Variants in MYRIP observed in about 807,000 individuals in gnomAD.
MYRIP encodes myosin VIIA and Rab interacting protein.
MYRIP carries 49 observed loss-of-function variants against 98.0 expected under a neutral mutation model. That is an observed-to-expected ratio of 0.50 (90% CI 0.40 to 0.63). The LOEUF is 0.63. Among genes scored for constraint, MYRIP ranks in the 30% least tolerant of loss-of-function variants. The probability of loss-of-function intolerance (pLI) is 0.00; values close to 1 mark genes in which losing one functional copy is unlikely to be tolerated. For missense variants in MYRIP, 1,004 were observed against 1,058.2 expected, an observed-to-expected ratio of 0.95 and a Z score of 0.71; for synonymous variants, 404 against 409.5, an observed-to-expected ratio of 0.99 and a Z score of 0.16.
At chr3:39,970,095 T>G (rs1575423716) in intron 2 of MYRIP, 2 of 152,148 alleles carry the variant, frequency 1.3e-5, no homozygotes, top group Non-Finnish European at 2.9e-5. Context: ...TTTTCTAGTT[T>G]GTGTGTTCGT....
chr3:40,201,246 C>T (rs1401356560), intron 10 of MYRIP, among the ~76,000 whole-genome samples: 6 of 152,090 alleles, frequency 3.9e-5, no homozygotes, highest in African/African-American at 1.4e-4. Flanking sequence ...TATGGAATTG[C>T]CATAATTCTG....
intron 3 of MYRIP, among the ~76,000 whole-genome samples, chr3:40,077,301 C>G (rs560056264): frequency 7.9e-5 from 12 of 152,142 alleles, no homozygotes; most frequent in Admixed American, 3.3e-4. Flanking sequence ...ACTGCTGGCT[C>G]GGGCAGCCTG....
chr3:40,214,232 T>C (rs778036414), intron 11 of MYRIP, among the ~76,000 whole-genome samples: 7 of 152,206 alleles, frequency 4.6e-5, no homozygotes, highest in Non-Finnish European at 7.4e-5. Context: ...AATTGGCTAC[T>C]GATAGGCCTC....
intron 11 of MYRIP, among the ~76,000 whole-genome samples, chr3:40,215,359 AT>A (rs1163252145): frequency 2.0e-5 from 3 of 152,242 alleles, no homozygotes; most frequent in African/African-American, 7.2e-5. Context: ...AAAAAATTGA[AT>A]TTTATTTATC....
chr3:40,177,073 T>TAAA (rs78605256), intron 8 of MYRIP, among the ~76,000 whole-genome samples: 2 of 135,174 alleles, frequency 1.5e-5, no homozygotes, highest in Admixed American at 7.4e-5. Context: ...AGACCCTGTC[T>TAAA]AAAAAAAAAA....
intron 3 of MYRIP, among the ~76,000 whole-genome samples, chr3:40,063,775 G>A (rs1164210952): frequency 6.6e-6 from 1 of 152,200 alleles, no homozygotes; most frequent in Non-Finnish European, 1.5e-5. Flanking sequence ...TACATTAATA[G>A]TCAAGGTTAA....
intron 1 of MYRIP, among the ~76,000 whole-genome samples, chr3:39,889,529 T>TG (rs921906197): frequency 2.6e-5 from 4 of 151,770 alleles, no homozygotes; most frequent in African/African-American, 7.3e-5. Flanking sequence ...GGGACCGTTG[T>TG]GGGGTGGGGG....
At chr3:39,867,354 G>T (rs7617131) in intron 1 of MYRIP, among the ~76,000 whole-genome samples, 83,316 of 151,970 alleles carry the variant, frequency 0.55, 23,329 homozygotes, top group Middle Eastern at 0.69. Context: ...CATAGCAAAA[G>T]AAACACTGAA....
chr3:39,954,838 T>C lies in MYRIP; in HGVS notation c.110+53912T>C, dbSNP rs563830117. Among the ~76,000 whole-genome samples, 7 of 152,244 alleles carry C rather than the reference T, an allele frequency of 4.6e-5. No homozygotes were observed. The South Asian group carries it at 1.5e-3, about 32-fold the overall frequency. On this transcript the variant is annotated intron_variant, in intron 2 of 16. Transcript: ENST00000302541. Reference sequence around the variant, plus strand: ...ATGGAGAAAACCTTAAATGACCTGATGGAGCTGAAACCCATGGCACGAGAA... The same window carrying C: ...ATGGAGAAAACCTTAAATGACCTGACGGAGCTGAAACCCATGGCACGAGAA...
chr3:39,985,152 A>G (rs566436682), intron 2 of MYRIP, among the ~76,000 whole-genome samples: 1 of 151,858 alleles, frequency 6.6e-6, no homozygotes, highest in African/African-American at 2.4e-5. Flanking sequence ...AAGCATTCTT[A>G]TACACCAACA....
chr3:40,058,200 A>G (rs1049985441), intron 3 of MYRIP, among the ~76,000 whole-genome samples: 7 of 152,200 alleles, frequency 4.6e-5, no homozygotes, highest in African/African-American at 1.7e-4. Flanking sequence ...GCAGTTAAAG[A>G]TACCACCACT....
chr3:40,043,343 T>A (rs1408766092), intron 2 of MYRIP, among the ~76,000 whole-genome samples: 1 of 152,176 alleles, frequency 6.6e-6, no homozygotes, highest in Non-Finnish European at 1.5e-5. Context: ...AGGGTAATTT[T>A]TTTTCTTTTT....
At chr3:39,822,020 G>T (rs1208703584) in intron 1 of MYRIP, among the ~76,000 whole-genome samples, 1 of 152,118 alleles carries the variant, frequency 6.6e-6, no homozygotes, top group Admixed American at 6.5e-5. Flanking sequence ...GTATATGAAA[G>T]CCAATTTATT....
At chr3:40,148,824 C>G (rs1950060435) in intron 3 of MYRIP, among the ~76,000 whole-genome samples, 1 of 152,154 alleles carries the variant, frequency 6.6e-6, no homozygotes. Flanking sequence ...GAACAAAGGA[C>G]TTAGTTGGTG....
chr3:39,962,520 T>C (rs1945347909), intron 2 of MYRIP, among the ~76,000 whole-genome samples: 1 of 152,008 alleles, frequency 6.6e-6, no homozygotes, highest in Non-Finnish European at 1.5e-5. Flanking sequence ...TTCATTCTCA[T>C]GTGAAAATTA....
Position 39,869,562 on chromosome 3 carries a change from T to C in MYRIP, c.-30-31225T>C, listed in dbSNP as rs374315297. 6.0e-4 allele frequency among the ~76,000 whole-genome samples: 91 copies of C among 152,190 alleles called. 4 individuals carry two copies. The Middle Eastern group carries it at 0.017, about 28-fold the overall frequency. ...GCGTACTTCTCTCAAGATAAGGGAG[T>C]AGAGAGCCTAGAGTTCAAACTCAAC... is the stretch of plus-strand genomic sequence containing the variant. On this transcript the variant is annotated intron_variant, in intron 1 of 16. Coordinates refer to ENST00000302541, the MANE Select transcript of MYRIP (RefSeq NM_015460.4).
intron 11 of MYRIP, among the ~76,000 whole-genome samples, chr3:40,222,582 A>G (rs1008903475): frequency 6.9e-5 from 3 of 43,690 alleles, no homozygotes; most frequent in African/African-American, 2.5e-4. Flanking sequence ...CCCCCTCCCC[A>G]TCTGTCTTTC....
chr3:39,936,365 G>A (rs1259936596), intron 2 of MYRIP, among the ~76,000 whole-genome samples: 2 of 152,170 alleles, frequency 1.3e-5, no homozygotes, highest in Non-Finnish European at 2.9e-5. Context: ...AACCATTGTG[G>A]CTAGTGCAGC....
At chr3:39,991,481 A>G (rs1370684209) in intron 2 of MYRIP, among the ~76,000 whole-genome samples, 1 of 152,210 alleles carries the variant, frequency 6.6e-6, no homozygotes, top group Non-Finnish European at 1.5e-5. Context: ...TTCTCTAGGA[A>G]TAGTTGCCAT....
Sources: allele counts gnomAD v4.1 joint callset (sites outside exome capture counted in the v4.1 genomes callset), GRCh38; gene constraint gnomAD v4.1.1; transcripts MANE v1.5; gene names NCBI Gene and HGNC (gene_info 2026-07-23, HGNC 2026-07-21).